Variants in PPP1R13B observed in about 807,000 individuals in gnomAD.
PPP1R13B encodes the protein apoptosis-stimulating of p53 protein 1.
In PPP1R13B, 44 loss-of-function variants were observed where a neutral mutation model predicts 119.8. That is an observed-to-expected ratio of 0.37 (90% CI 0.29 to 0.47). The LOEUF (loss-of-function observed/expected upper bound fraction) is 0.47, where lower values mean the gene tolerates loss of function less well. PPP1R13B is among the 20% of genes least tolerant of loss of function. The probability of loss-of-function intolerance (pLI) is 0.99; values close to 1 mark genes in which losing one functional copy is unlikely to be tolerated. For synonymous variants in PPP1R13B, 542 were observed against 561.5 expected (o/e 0.97, Z 0.49); for missense variants, 1,227 against 1,413.5 (o/e 0.87, Z 2.12).
intron 2 of PPP1R13B, among the ~76,000 whole-genome samples, chr14:103,793,208 AAAGAAAAG>A: frequency 7.0e-6 from 1 of 142,770 alleles, no homozygotes; most frequent in African/African-American, 3.0e-5. Flanking sequence ...TGAGGAAAGG[AAAGAAAAG>A]GAAAGAAAAG....
At chr14:103,804,007 C>T in intron 1 of PPP1R13B, 1 of 961,892 alleles carries the variant, frequency 1.0e-6, no homozygotes, top group Non-Finnish European at 1.2e-6. Context: ...CAATAGTTTT[C>T]TTGACTACAT....
rs761012424 is a variant in PPP1R13B, at chr14:103,797,358, A to T, written c.157+13T>A. On this transcript the variant is annotated intron_variant, in intron 2 of 16. Transcript: ENST00000202556. The stretch of plus-strand genomic sequence containing the variant: ...TTATCAATGTAACAATCTTTACAGG[A>T]CCTAATACATACCATTTCCCCTCCA... 8.1e-6 allele frequency: 13 copies of T among 1,613,062 alleles called. 1 individual carries two copies. The South Asian group carries it at 1.3e-4, about 16-fold the overall frequency.
At chr14:103,818,274 G>A (rs1258639122) in intron 1 of PPP1R13B, among the ~76,000 whole-genome samples, 1 of 152,030 alleles carries the variant, frequency 6.6e-6, no homozygotes, top group Non-Finnish European at 1.5e-5. Flanking sequence ...CTGAGATTTG[G>A]GTCTGCTCAG....
rs534087433 is a variant in PPP1R13B, at chr14:103,827,091, G to A, written c.9+20208C>T. Among the ~76,000 whole-genome samples, 141 of 151,692 alleles carry A rather than the reference G, an allele frequency of 9.3e-4. 3 individuals are homozygous for A. In the East Asian group the frequency reaches 0.02, roughly 22 times the overall value. The stretch of plus-strand genomic sequence containing the variant: ...AGTAATCCCAGCACTTTGGGAGGCC[G>A]AGGCGGGTGGATCATGAGGTCAGGA... On this transcript the variant is annotated intron_variant, in intron 1 of 16. Transcript: ENST00000202556.
At chr14:103,806,687 CAATT>C (rs2086025428) in intron 1 of PPP1R13B, among the ~76,000 whole-genome samples, 2 of 152,198 alleles carry the variant, frequency 1.3e-5, no homozygotes, top group Admixed American at 6.5e-5. Context: ...TCACTTTCCT[CAATT>C]AGCCTCTCAA....
At chr14:103,792,112 AC>A (rs1477131398) in intron 2 of PPP1R13B, among the ~76,000 whole-genome samples, 1 of 151,832 alleles carries the variant, frequency 6.6e-6, no homozygotes, top group Non-Finnish European at 1.5e-5. Flanking sequence ...AAAAATTAAA[AC>A]CCATTTTGTC....
chr14:103,734,881 G>C lies in PPP1R13B; in HGVS notation c.*273C>G. Reference sequence around the variant, plus strand: ...GGGTTATGGGACTTCTTAATGGCAAGAGGGGTGGGTGTTTTGAAAGTGGGT... The same window carrying C: ...GGGTTATGGGACTTCTTAATGGCAACAGGGGTGGGTGTTTTGAAAGTGGGT... On this transcript the variant is annotated 3_prime_UTR_variant, in exon 17 of 17. Coordinates refer to ENST00000202556, the MANE Select transcript of PPP1R13B (RefSeq NM_015316.3). The C allele has an allele frequency of 1.8e-6, 1 of 562,680 alleles. No individual in the cohort carries two copies. The highest frequency in any genetic ancestry group is 3.8e-5 in the East Asian group (1 of 26,078). The allele number at this position is 562,680 out of a possible 1,614,324, so 34.9% of individuals were successfully genotyped here.
intron 1 of PPP1R13B, among the ~76,000 whole-genome samples, chr14:103,816,700 A>G (rs553259880): frequency 2.4e-4 from 37 of 151,888 alleles, no homozygotes; most frequent in African/African-American, 7.0e-4. Context: ...ATTTCCTTTC[A>G]TATATTTTTC....
intron 2 of PPP1R13B, among the ~76,000 whole-genome samples, chr14:103,792,169 C>CATGTGT (rs2085637313): frequency 1.5e-5 from 2 of 137,172 alleles, no homozygotes; most frequent in African/African-American, 2.7e-5. Flanking sequence ...CTCTATTCAT[C>CATGTGT]GTGTGTGTGT....
rs2086743999 is a variant in PPP1R13B, at chr14:103,835,085, CTT to C, written c.9+12212_9+12213del. On this transcript the variant is annotated intron_variant, in intron 1 of 16. Transcript: ENST00000202556. ...GAAGCCTCATGGTTGCTGGAGAAAA[CTT>C]AAAGTACTCAGTAAACATTTGCTCT... Among the ~76,000 whole-genome samples, 3 of 152,236 alleles carry C rather than the reference CTT, an allele frequency of 2.0e-5. No individual in the cohort carries two copies. The South Asian group carries it at 6.2e-4, about 32-fold the overall frequency.
At chr14:103,840,800 A>C (rs1380287511) in intron 1 of PPP1R13B, among the ~76,000 whole-genome samples, 2 of 151,726 alleles carry the variant, frequency 1.3e-5, no homozygotes, top group East Asian at 3.9e-4. Context: ...CAAAAAAAAA[A>C]AGAAAGAAAG....
At chr14:103,811,253 G>A (rs2086149560) in intron 1 of PPP1R13B, among the ~76,000 whole-genome samples, 1 of 152,034 alleles carries the variant, frequency 6.6e-6, no homozygotes, top group Admixed American at 6.6e-5. Flanking sequence ...ATCAATTAGT[G>A]CCTCAGGACC....
chr14:103,848,624 A>G (rs1028957544), upstream of PPP1R13B: 6 of 473,476 alleles, frequency 1.3e-5, no homozygotes, highest in Non-Finnish European at 1.4e-5. Flanking sequence ...CGCCCTGGGA[A>G]GCGCCGGCCC....
intron 1 of PPP1R13B, among the ~76,000 whole-genome samples, chr14:103,813,698 G>C (rs2086212623): frequency 6.6e-6 from 1 of 152,120 alleles, no homozygotes; most frequent in Non-Finnish European, 1.5e-5. Context: ...TTATAGCAGG[G>C]TAAGAGAAGA....
At chr14:103,811,819 G>C (rs1397671795) in intron 1 of PPP1R13B, among the ~76,000 whole-genome samples, 3 of 151,850 alleles carry the variant, frequency 2.0e-5, no homozygotes, top group African/African-American at 7.3e-5. Context: ...CACTTTGGGA[G>C]GCCAAGGCTG....
chr14:103,842,862 A>G (rs2086941045), intron 1 of PPP1R13B, among the ~76,000 whole-genome samples: 1 of 151,766 alleles, frequency 6.6e-6, no homozygotes, highest in Admixed American at 6.6e-5. Flanking sequence ...CTGTAATCCC[A>G]GCTCCTTGGG....
At chr14:103,761,338 T>G (rs1038991787) in intron 4 of PPP1R13B, among the ~76,000 whole-genome samples, 1 of 149,426 alleles carries the variant, frequency 6.7e-6, no homozygotes, top group Non-Finnish European at 1.5e-5. Flanking sequence ...AAGACTACAA[T>G]TTTACCTATG....
At chr14:103,761,557 T>C (rs2084805886) in intron 4 of PPP1R13B, among the ~76,000 whole-genome samples, 1 of 150,178 alleles carries the variant, frequency 6.7e-6, no homozygotes, top group South Asian at 2.1e-4. Context: ...AGGTCAGGAG[T>C]TCAAGACCAG....
rs1049704351 is a variant in PPP1R13B at position 103,847,321 on chromosome 14, C to G, written c.-14G>C. ...CACCGGCATCATCGCGGGGAGAGTCCGCGACGCCCTCGGCCGCCGCCTGAC... is the reference window on the plus strand; with the variant it reads ...CACCGGCATCATCGCGGGGAGAGTCGGCGACGCCCTCGGCCGCCGCCTGAC... On this transcript the variant is annotated 5_prime_UTR_variant, in exon 1 of 17. Transcript: ENST00000202556. 1.1e-5 allele frequency: 14 copies of G among 1,241,366 alleles called. No individual in the cohort carries two copies. The Admixed American group carries it at 3.6e-4, about 32-fold the overall frequency. 76.9% of individuals were successfully genotyped at this position (1,241,366 alleles called of 1,614,324 possible).
Sources: gnomAD v4.1 joint callset for allele counts (sites outside exome capture counted in the v4.1 genomes callset) on GRCh38, gnomAD v4.1.1 for gene constraint, MANE v1.5 for transcripts, NCBI Gene and HGNC (gene_info 2026-07-23, HGNC 2026-07-21) for gene names.